The following PODXL2 variants were observed in gnomAD, a reference collection of about 807,000 sequenced individuals.
PODXL2 encodes podocalyxin like 2.
A neutral mutation model predicts 53.4 loss-of-function variants in PODXL2; 17 were observed. The ratio of observed to expected loss-of-function variants is 0.32; its 90% CI spans 0.22 to 0.48. The LOEUF is 0.48. Among genes scored for constraint, PODXL2 ranks in the 20% least tolerant of loss-of-function variants. The pLI is 0.99. For missense variants in PODXL2, 673 were observed against 760.0 expected, an observed-to-expected ratio of 0.89 and a Z score of 1.35; for synonymous variants, 311 against 306.7, an observed-to-expected ratio of 1.01 and a Z score of -0.15.
At chr3:127,635,822 T>G (rs1259154754) in intron 1 of PODXL2, among the ~76,000 whole-genome samples, 1 of 152,242 alleles carries the variant, frequency 6.6e-6, no homozygotes, top group Non-Finnish European at 1.5e-5. Context: ...AGTTTGGCAA[T>G]TTAGGCTGCA....
chr3:127,637,664 CT>C (rs1231178742), intron 1 of PODXL2, among the ~76,000 whole-genome samples: 1 of 152,222 alleles, frequency 6.6e-6, no homozygotes, highest in Non-Finnish European at 1.5e-5. Flanking sequence ...TATAGAACAT[CT>C]TCCTGTCTCT....
chr3:127,640,954 C>A (rs2074614608), intron 2 of PODXL2, among the ~76,000 whole-genome samples: 1 of 152,118 alleles, frequency 6.6e-6, no homozygotes, highest in Admixed American at 6.6e-5. Context: ...GCTCTGTCAC[C>A]TGGGCTAGAG....
intron 1 of PODXL2, among the ~76,000 whole-genome samples, chr3:127,633,386 G>T (rs1170526286): frequency 6.6e-6 from 1 of 152,122 alleles, no homozygotes; most frequent in East Asian, 1.9e-4. Context: ...GCTAATTTCA[G>T]CTCCTCTATT....
chr3:127,646,627 C>T (rs561553902), intron 2 of PODXL2, among the ~76,000 whole-genome samples: 7 of 152,302 alleles, frequency 4.6e-5, no homozygotes, highest in African/African-American at 1.7e-4. Context: ...ACCTCGTGAT[C>T]TGCCCGTCTC....
Position 127,629,426 on chromosome 3 carries a change from G to A in PODXL2, c.70+137G>A, listed in dbSNP as rs1166954206. The A allele has an allele frequency of 1.3e-5, 9 of 692,100 alleles. No individual in the cohort carries two copies. The highest frequency in any genetic ancestry group is 1.6e-5 in the Non-Finnish European group (9 of 562,088). 42.9% of individuals were successfully genotyped at this position (692,100 alleles called of 1,614,324 possible). A position where few individuals can be genotyped will look rare whatever the true frequency, so the allele number is the denominator to read the frequency against. On this transcript the variant is annotated intron_variant, in intron 1 of 7. Coordinates refer to ENST00000342480, the MANE Select transcript of PODXL2 (RefSeq NM_015720.4). The surrounding 1 kb of genome is among the most constrained non-coding windows in gnomAD (Gnocchi z 6.4). ...GCGCGTGTCCCGGCCGGGCCGCGGC[G>A]CCGCCCCGACACACGCGCACGAGGA... is the stretch of plus-strand genomic sequence containing the variant.
intron 1 of PODXL2, among the ~76,000 whole-genome samples, chr3:127,632,865 A>T (rs1388513098): frequency 6.6e-6 from 1 of 152,206 alleles, no homozygotes; most frequent in African/African-American, 2.4e-5. Flanking sequence ...TTTCTTTGTA[A>T]TCGAGAGTCT....
chr3:127,647,709 C>T (rs2074665121), intron 2 of PODXL2, among the ~76,000 whole-genome samples: 1 of 152,204 alleles, frequency 6.6e-6, no homozygotes, highest in African/African-American at 2.4e-5. Flanking sequence ...TCCTGGGCAC[C>T]GGCTTGGAGA....
At chr3:127,672,198 G>C (rs1232000113) in intron 7 of PODXL2, 70 bp from the exon 8 acceptor site, 1 of 1,359,930 alleles carries the variant, frequency 7.4e-7, no homozygotes, top group Non-Finnish European at 1.0e-6. Context: ...GGGTTGCACA[G>C]ACGGCCGCGG....
At chr3:127,653,194 C>A (rs778034293) in intron 2 of PODXL2, among the ~76,000 whole-genome samples, 2 of 152,228 alleles carry the variant, frequency 1.3e-5, no homozygotes, top group Non-Finnish European at 2.9e-5. Flanking sequence ...AAAGCACCTT[C>A]CTCCCTGTCT....
chr3:127,650,861 G>A (rs1015740852), intron 2 of PODXL2, among the ~76,000 whole-genome samples: 12 of 152,028 alleles, frequency 7.9e-5, no homozygotes, highest in African/African-American at 1.2e-4. Flanking sequence ...GGGTTTCACC[G>A]TTTTAGCCAG....
At chr3:127,636,764 C>T (rs908574428) in intron 1 of PODXL2, among the ~76,000 whole-genome samples, 2 of 152,212 alleles carry the variant, frequency 1.3e-5, no homozygotes, top group African/African-American at 2.4e-5. Flanking sequence ...ACTGGCAACA[C>T]AGCAGTGCCA....
rs528592508 is a variant in PODXL2 at position 127,672,244 on chromosome 3, T to C, written c.1606-24T>C. ...GTCCGGGGGCTGGCTCGCTCGCCCA[T>C]GGCCTCTCCCCACCCCGCCTCAGTC... is the stretch of plus-strand genomic sequence containing the variant. On this transcript the variant is annotated intron_variant, in intron 7 of 7. Coordinates refer to ENST00000342480, the MANE Select transcript of PODXL2 (RefSeq NM_015720.4). The C allele has an allele frequency of 1.8e-4, 272 of 1,529,978 alleles. 2 individuals carry two copies. In the East Asian group the frequency reaches 4.7e-3, roughly 26 times the overall value. 94.8% of individuals were successfully genotyped at this position (1,529,978 alleles called of 1,614,324 possible). A position where few individuals can be genotyped will look rare whatever the true frequency, so the allele number is the denominator to read the frequency against.
rs1008705491 is a variant in PODXL2, at chr3:127,654,829, A to G, written c.350-5549A>G. On this transcript the variant is annotated intron_variant, in intron 2 of 7. Transcript: ENST00000342480. ...TGGCCAGGTGCGGTGGCTTACGCCT[A>G]TAATCCCAGCACTTTGGAGGGCCAA... Among the ~76,000 whole-genome samples the G allele has an allele frequency of 4.6e-5, 7 of 152,302 alleles. No homozygotes were observed. The East Asian group carries it at 7.8e-4, about 17-fold the overall frequency.
intron 4 of PODXL2, chr3:127,666,064 A>G (rs900042921): frequency 8.8e-6 from 3 of 342,694 alleles, no homozygotes; most frequent in Non-Finnish European, 1.8e-5. Flanking sequence ...TATATCATGT[A>G]TAATGCATGT....
intron 2 of PODXL2, among the ~76,000 whole-genome samples, chr3:127,643,390 A>G (rs1273935034): frequency 2.0e-5 from 3 of 152,036 alleles, no homozygotes; most frequent in Middle Eastern, 3.4e-3. Context: ...TTGTATTTTT[A>G]GTAGAGATGG....
chr3:127,668,708 A>G, intron 5 of PODXL2, 111 bp downstream of exon 5: 1 of 1,084,086 alleles, frequency 9.2e-7, no homozygotes. Flanking sequence ...TTGGAACTCC[A>G]GGACAGTAGT....
chr3:127,656,734 CAA>C (rs71150487), intron 2 of PODXL2, among the ~76,000 whole-genome samples: 157 of 28,094 alleles, frequency 5.6e-3, no homozygotes, highest in African/African-American at 0.016. Context: ...GACTCCATCT[CAA>C]AAAAAAAAAA....
chr3:127,651,601 C>T (rs573467816), intron 2 of PODXL2, among the ~76,000 whole-genome samples: 1 of 152,358 alleles, frequency 6.6e-6, no homozygotes, highest in Non-Finnish European at 1.5e-5. Context: ...AGCCCATCTT[C>T]TCTAGACTCA....
chr3:127,635,018 G>A (rs778968290), intron 1 of PODXL2, among the ~76,000 whole-genome samples: 125 of 152,186 alleles, frequency 8.2e-4, no homozygotes, highest in Non-Finnish European at 1.4e-3. Context: ...CTATGTTTCT[G>A]TATCGTCTCT....
Sources: gnomAD v4.1 joint callset for allele counts (sites outside exome capture counted in the v4.1 genomes callset) on GRCh38, gnomAD v4.1.1 for gene constraint, Gnocchi (gnomAD v3.1) non-coding constraint, MANE v1.5 for transcripts, NCBI Gene and HGNC (gene_info 2026-07-23, HGNC 2026-07-21) for gene names.